Variants in GNAI2 observed in about 807,000 individuals in gnomAD.
The protein encoded by GNAI2 is guanine nucleotide-binding protein G(i) subunit alpha-2.
A neutral mutation model predicts 36.8 loss-of-function variants in GNAI2; 4 were observed. The observed-to-expected ratio is 0.11, with a 90% CI of 0.05 to 0.25. GNAI2 has a LOEUF of 0.25. GNAI2 is among the 10% of genes least tolerant of loss of function. GNAI2 has a pLI of 1.00. For missense variants in GNAI2, 230 were observed against 481.3 expected (o/e 0.48, Z 4.89); for synonymous variants, 194 against 194.1 (o/e 1.00, Z 0.01).
At chr3:50,239,455 C>T (rs1456694387) in intron 1 of GNAI2, among the ~76,000 whole-genome samples, 1 of 152,226 alleles carries the variant, frequency 6.6e-6, no homozygotes, top group Non-Finnish European at 1.5e-5. Flanking sequence ...CTGGAGACTG[C>T]AGGGCAGGGC....
chr3:50,250,330 A>G (rs967220016), intron 1 of GNAI2, among the ~76,000 whole-genome samples: 14 of 152,150 alleles, frequency 9.2e-5, no homozygotes, highest in African/African-American at 3.4e-4. Flanking sequence ...GACCAGCCCC[A>G]AGGGATGCTG....
chr3:50,240,918 C>CAAAAAAAAAA (rs11302773), intron 1 of GNAI2, among the ~76,000 whole-genome samples: 1 of 86,734 alleles, frequency 1.2e-5, no homozygotes, highest in South Asian at 3.9e-4. Context: ...GACTCTGTCT[C>CAAAAAAAAAA]AAAAAAAAAA....
At chr3:50,248,775 C>G (rs1293991769) in intron 1 of GNAI2, among the ~76,000 whole-genome samples, 1 of 152,100 alleles carries the variant, frequency 6.6e-6, no homozygotes, top group African/African-American at 2.4e-5. Flanking sequence ...AGAATGTTCT[C>G]TTAACATTTA....
At chr3:50,256,466 G>A in intron 5 of GNAI2, 146 bp downstream of exon 5, 1 of 790,564 alleles carries the variant, frequency 1.3e-6, no homozygotes, top group Non-Finnish European at 2.2e-6. Flanking sequence ...ACCACCTAGT[G>A]AACCAGCAGT....
intron 4 of GNAI2, among the ~76,000 whole-genome samples, chr3:50,254,278 C>T (rs1452036155): frequency 6.6e-6 from 1 of 152,162 alleles, no homozygotes; most frequent in Non-Finnish European, 1.5e-5. Context: ...AGGGGACATC[C>T]ACAGGCTTTG....
intron 8 of GNAI2, 180 bp downstream of exon 8, chr3:50,257,894 A>T: frequency 2.0e-6 from 1 of 511,800 alleles, no homozygotes; most frequent in South Asian, 3.1e-5. Flanking sequence ...AGTGAGGTGC[A>T]GGGCATGGAG....
chr3:50,250,861 G>A (rs1483637049), intron 1 of GNAI2, among the ~76,000 whole-genome samples: 2 of 151,398 alleles, frequency 1.3e-5, no homozygotes, highest in Non-Finnish European at 2.9e-5. Flanking sequence ...CCAGGCTGGA[G>A]CGCAATGGCA....
At chr3:50,249,193 C>T (rs1575448860) in intron 1 of GNAI2, among the ~76,000 whole-genome samples, 1 of 152,262 alleles carries the variant, frequency 6.6e-6, no homozygotes, top group East Asian at 1.9e-4. Context: ...GCATGGGGAC[C>T]CATGACTTCG....
chr3:50,254,032 G>T (rs782103533), intron 4 of GNAI2, among the ~76,000 whole-genome samples: 19 of 152,084 alleles, frequency 1.2e-4, no homozygotes, highest in Non-Finnish European at 2.5e-4. Context: ...TTATCTGGGA[G>T]GTGACAGGTG....
At chr3:50,244,997 ATTT>A (rs11431707) in intron 1 of GNAI2, among the ~76,000 whole-genome samples, 1 of 139,870 alleles carries the variant, frequency 7.1e-6, no homozygotes. Flanking sequence ...TGATGCTGTG[ATTT>A]TTTTTTTTTT....
In GNAI2 at chr3:50,253,254, C is replaced by A; in HGVS notation, c.464+70C>A. 8.1e-7 allele frequency: 1 copy of A among 1,233,650 alleles called. No individual in the cohort carries two copies. The highest frequency in any genetic ancestry group is 1.5e-5 in the African/African-American group (1 of 67,550). The allele number at this position is 1,233,650 out of a possible 1,614,324, so 76.4% of individuals were successfully genotyped here. A position where few individuals can be genotyped will look rare whatever the true frequency, so the allele number is the denominator to read the frequency against. ...GAGGACTAAAGGCTGGACCGGAGGG[C>A]CTGAGAACCCCCAGAAGGACACTGC... is the stretch of plus-strand genomic sequence containing the variant. On this transcript the variant is annotated intron_variant, in intron 4 of 8. Coordinates refer to ENST00000313601, the MANE Select transcript of GNAI2 (RefSeq NM_002070.4). This position sits in a 1 kb window ranked among gnomAD's most constrained non-coding sequence, Gnocchi z 4.2.
At chr3:50,248,162 A>T (rs1700465637) in intron 1 of GNAI2, among the ~76,000 whole-genome samples, 1 of 152,146 alleles carries the variant, frequency 6.6e-6, no homozygotes, top group African/African-American at 2.4e-5. Context: ...TTGAACCGGG[A>T]GGCAGAGGTT....
upstream of GNAI2, chr3:50,236,109 G>T: frequency 1.0e-6 from 1 of 984,274 alleles, no homozygotes; most frequent in Non-Finnish European, 1.3e-6. The surrounding 1 kb of genome is among the most constrained non-coding windows in gnomAD (Gnocchi z 4.0). Context: ...CCGCCTGCAA[G>T]CCCGCCCCGG....
chr3:50,257,568 G>A lies in GNAI2; in HGVS notation c.946G>A (p.Asp316Asn). ...GTTTGAGGACCTGAATAAGCGCAAA[G>A]ACACCAAGGAGATCTACACGCACTT... Reference protein sequence around the residue: ...SKFEDLNKRKDTKEIYTHFTC... With the variant: ...SKFEDLNKRKNTKEIYTHFTC... The change falls in exon 8 of 9, where the codon GAC becomes AAC. Residue 316 changes from aspartate to asparagine, a missense_variant. Asp to Asn is a conservative substitution (Grantham distance 23). Transcript: ENST00000313601. 6.3e-7 allele frequency: 1 copy of A among 1,577,194 alleles called. No homozygotes were observed. Among genetic ancestry groups the A allele is most frequent in the Non-Finnish European group, 8.6e-7 (1 of 1,162,530 alleles).
upstream of GNAI2, chr3:50,227,208 G>A: frequency 2.1e-6 from 3 of 1,401,622 alleles, no homozygotes; most frequent in South Asian, 1.5e-5. The surrounding 1 kb of genome is among the most constrained non-coding windows in gnomAD (Gnocchi z 5.9). Context: ...GCCGATGGCG[G>A]CTATCGCGGA....
At chr3:50,251,396 G>C (rs1354821466) in intron 1 of GNAI2, 2 of 1,014,316 alleles carry the variant, frequency 2.0e-6, no homozygotes, top group African/African-American at 3.5e-5. Context: ...CCAGGCCAGG[G>C]AAAAGCTTGA....
rs587756030 is a variant in GNAI2 at position 50,242,429 on chromosome 3, G to A, written c.118+5976G>A. On this transcript the variant is annotated intron_variant, in intron 1 of 8. Transcript: ENST00000313601. This position sits in a 1 kb window ranked among gnomAD's most constrained non-coding sequence, Gnocchi z 4.8. ...GGCCAGGCCACTGCTGATACACCCT[G>A]CCTAAGAGTGCTCTGCAAGGTGCTT... is the stretch of plus-strand genomic sequence containing the variant. 2.2e-4 allele frequency among the ~76,000 whole-genome samples: 33 copies of A among 152,322 alleles called. No homozygotes were observed. The South Asian group carries it at 6.2e-3, about 29-fold the overall frequency.
intron 1 of GNAI2, among the ~76,000 whole-genome samples, chr3:50,243,259 T>C (rs1157560452): frequency 6.6e-6 from 1 of 152,114 alleles, no homozygotes; most frequent in Non-Finnish European, 1.5e-5. Flanking sequence ...CCAGAGAAGG[T>C]GGTGCCTTCG....
upstream of GNAI2, among the ~76,000 whole-genome samples, chr3:50,233,650 A>G (rs1700107780): frequency 6.6e-6 from 1 of 152,170 alleles, no homozygotes. Context: ...CCTGGTGGAC[A>G]TTATGTGTCC....
Sources: allele counts gnomAD v4.1 joint callset (sites outside exome capture counted in the v4.1 genomes callset), GRCh38; gene constraint gnomAD v4.1.1; non-coding constraint Gnocchi (gnomAD v3.1); transcripts MANE v1.5; gene names NCBI Gene and HGNC (gene_info 2026-07-23, HGNC 2026-07-21).